STX6: variants seen among roughly 807,000 people sequenced by gnomAD.
STX6 encodes the protein syntaxin 6.
Under a neutral mutation model 38.0 loss-of-function variants are expected in STX6, and 23 were observed. The ratio of observed to expected loss-of-function variants is 0.60; its 90% CI spans 0.43 to 0.86. The LOEUF is 0.86. STX6 is among the 40% of genes least tolerant of loss of function. The probability of loss-of-function intolerance (pLI) is 0.00; values close to 1 mark genes in which losing one functional copy is unlikely to be tolerated. For synonymous variants in STX6, 123 were observed against 107.5 expected (o/e 1.14, Z -0.89); for missense variants, 274 against 312.9 (o/e 0.88, Z 0.94).
At position 180,990,004 on chromosome 1, in the gene STX6, C is replaced by T. The variant is rs1209599368; in HGVS notation, c.469G>A (p.Glu157Lys). The T allele has an allele frequency of 6.2e-7, 1 of 1,613,880 alleles. No homozygotes were observed. Among genetic ancestry groups the T allele is most frequent in the South Asian group, 1.1e-5 (1 of 91,058 alleles). ...LQRANSHFIE[E>K]QQAQQQLIVE... ...GGTACCTGCTGCTGTGCCTGCTGCT[C>T]CTCAATGAAATGAGAATTGGCTCTC... The change falls in exon 5 of 8, where the codon GAG (glutamate) becomes AAG (lysine). Residue 157 changes from glutamate (E) to lysine (K), a missense_variant. Glu to Lys is a moderately conservative substitution (Grantham distance 56, BLOSUM62 1). Transcript: ENST00000258301.
At chr1:181,001,003 C>T (rs549193322) in intron 3 of STX6, among the ~76,000 whole-genome samples, 1 of 152,010 alleles carries the variant, frequency 6.6e-6, no homozygotes, top group Admixed American at 6.6e-5. Flanking sequence ...TTAAGAATGT[C>T]CAATCCAAAC....
At chr1:181,021,511 C>A (rs149653885) in intron 1 of STX6, among the ~76,000 whole-genome samples, 2 of 152,288 alleles carry the variant, frequency 1.3e-5, no homozygotes, top group Admixed American at 1.3e-4. Context: ...TATACAACGG[C>A]CAGCTTGCAC....
intron 2 of STX6, among the ~76,000 whole-genome samples, chr1:181,004,534 C>T (rs1656170136): frequency 1.3e-5 from 2 of 152,188 alleles, no homozygotes; most frequent in Non-Finnish European, 1.5e-5. Context: ...GGACAGAGTT[C>T]AGGAAGCTTC....
At chr1:180,980,492 C>A (rs6665134) in intron 7 of STX6, 83,124 of 147,914 alleles carry the variant, frequency 0.56, 23,638 homozygotes, top group East Asian at 0.63. Context: ...AACCACATAC[C>A]TTGTTACTTA....
intron 4 of STX6, among the ~76,000 whole-genome samples, chr1:180,991,918 T>G (rs754316519): frequency 2.3e-5 from 2 of 88,148 alleles, no homozygotes; most frequent in Non-Finnish European, 4.9e-5. Context: ...GTATATATAC[T>G]TTATATAAAA....
chr1:181,010,060 A>G (rs1326514101), intron 1 of STX6, among the ~76,000 whole-genome samples: 1 of 152,198 alleles, frequency 6.6e-6, no homozygotes, highest in Non-Finnish European at 1.5e-5. Flanking sequence ...AGTGTTTGCC[A>G]GGTGCTCGAC....
chr1:180,979,180 C>G (rs1655335654), intron 7 of STX6, among the ~76,000 whole-genome samples: 1 of 151,810 alleles, frequency 6.6e-6, no homozygotes, highest in Non-Finnish European at 1.5e-5. Context: ...CATTAGTAGG[C>G]TAAACACAGC....
At position 181,017,252 on chromosome 1, in the gene STX6, G is replaced by A. The variant is rs192060718; in HGVS notation, c.35+5387C>T. On this transcript the variant is annotated intron_variant, in intron 1 of 7. Coordinates refer to ENST00000258301, the MANE Select transcript of STX6 (RefSeq NM_005819.6). Reference sequence around the variant, plus strand: ...ATACAAAAAAAAAAAAATTAGCTGGGCGTGGTGGCGGGCACCTGTAGTCCC... The same window carrying A: ...ATACAAAAAAAAAAAAATTAGCTGGACGTGGTGGCGGGCACCTGTAGTCCC... 1.2e-3 allele frequency among the ~76,000 whole-genome samples: 187 copies of A among 151,496 alleles called. 4 individuals are homozygous for A. The East Asian group carries it at 0.035, about 28-fold the overall frequency.
intron 7 of STX6, 37 bp from the exon 8 acceptor site, chr1:180,976,683 A>G: frequency 3.8e-6 from 6 of 1,582,044 alleles, no homozygotes; most frequent in Non-Finnish European, 5.2e-6. Context: ...TCTCACAGGG[A>G]CTCCACATTC....
Position 181,005,358 on chromosome 1 carries a change from G to A in STX6, c.141C>T (p.Thr47=), listed in dbSNP as rs140149186. 6.2e-7 allele frequency: 1 copy of A among 1,614,082 alleles called. No individual in the cohort carries two copies. Among genetic ancestry groups the A allele is most frequent in the Non-Finnish European group, 8.5e-7 (1 of 1,179,998 alleles). ...TCCGGAGGTTATTTCTCAGCTCGTT[G>A]GTGGTCCAGTCGATTTCTTCCCTTG... ...TATREEIDWT[T]NELRNNLRSI... Residue 47 remains threonine, a synonymous_variant, in exon 2 of 8, where the codon ACC becomes ACT. Coordinates refer to ENST00000258301, the MANE Select transcript of STX6 (RefSeq NM_005819.6).
rs908411047 is a variant in STX6 at position 180,976,386 on chromosome 1, CACTG to C, written c.*180_*183del. The C allele has an allele frequency of 2.7e-5, 16 of 602,752 alleles. No homozygotes were observed. The highest frequency in any genetic ancestry group is 4.8e-5 in the Non-Finnish European group (16 of 335,076). 37.3% of individuals were successfully genotyped at this position (602,752 alleles called of 1,614,324 possible). ...AGTGCAGACATCTATTTCCTCTTCC[CACTG>C]GCCCTTCCAGCGCTGGGATGGAGGA... On this transcript the variant is annotated 3_prime_UTR_variant, in exon 8 of 8. Transcript: ENST00000258301.
intron 1 of STX6, among the ~76,000 whole-genome samples, chr1:181,016,604 A>G (rs1400283771): frequency 2.0e-5 from 3 of 152,232 alleles, no homozygotes; most frequent in African/African-American, 4.8e-5. Context: ...CACAGTGACT[A>G]TACCAATACA....
intron 3 of STX6, among the ~76,000 whole-genome samples, chr1:180,997,344 C>T (rs180728832): frequency 3.9e-5 from 6 of 152,058 alleles, no homozygotes; most frequent in African/African-American, 7.2e-5. Context: ...TCAGTGCAAC[C>T]GAGGAACTGA....
At chr1:181,021,481 A>G (rs150535924) in intron 1 of STX6, among the ~76,000 whole-genome samples, 1 of 152,230 alleles carries the variant, frequency 6.6e-6, no homozygotes, top group Admixed American at 6.5e-5. Context: ...ATACCATTTA[A>G]ATTTTCTACA....
chr1:180,991,394 C>T (rs931220260), intron 4 of STX6, among the ~76,000 whole-genome samples: 2 of 152,158 alleles, frequency 1.3e-5, no homozygotes, highest in Admixed American at 1.3e-4. Context: ...ATGATCCACA[C>T]TCTAAGGACC....
chr1:180,976,644 G>C lies in STX6; in HGVS notation c.694C>G (p.Arg232Gly), dbSNP rs114031596. The C allele has an allele frequency of 1.9e-6, 3 of 1,613,200 alleles. No homozygotes were observed. The Admixed American group carries it at 5.0e-5, about 27-fold the overall frequency. Reference protein sequence around the residue: ...LAKVSHMTSDRRQWCAIAILF... With the variant: ...LAKVSHMTSDGRQWCAIAILF... The stretch of plus-strand genomic sequence containing the variant: ...ATGGCTATGGCACACCATTGGCGCC[G>C]ATCTGGAAGGCAGGACATGGGGATT... Residue 232 changes from arginine (R) to glycine (G), a missense_variant and splice_region_variant, in exon 8 of 8, where the codon CGG becomes GGG. Coordinates refer to ENST00000258301, the MANE Select transcript of STX6 (RefSeq NM_005819.6).
chr1:181,001,630 G>T (rs1316552679), intron 3 of STX6, among the ~76,000 whole-genome samples: 1 of 152,278 alleles, frequency 6.6e-6, no homozygotes, highest in Admixed American at 6.5e-5. Flanking sequence ...GGAAGAGGCC[G>T]CTATCCAAAC....
chr1:181,019,455 C>G (rs890483878), intron 1 of STX6, among the ~76,000 whole-genome samples: 2 of 152,004 alleles, frequency 1.3e-5, no homozygotes, highest in African/African-American at 2.4e-5. Context: ...AAAGGAAGCA[C>G]TTCCTGGAGG....
chr1:180,986,641 TC>T (rs1655597775), intron 6 of STX6, among the ~76,000 whole-genome samples: 1 of 152,206 alleles, frequency 6.6e-6, no homozygotes, highest in African/African-American at 2.4e-5. Flanking sequence ...ACACCTGGGC[TC>T]AAACAATCCT....
Sources: allele counts gnomAD v4.1 joint callset (sites outside exome capture counted in the v4.1 genomes callset), GRCh38; gene constraint gnomAD v4.1.1; transcripts MANE v1.5; gene names NCBI Gene and HGNC (gene_info 2026-07-23, HGNC 2026-07-21).